WTAP: variants seen among roughly 807,000 people sequenced by gnomAD.
WTAP encodes the protein pre-mRNA-splicing regulator WTAP.
A neutral mutation model predicts 50.0 loss-of-function variants in WTAP; 8 were observed. The ratio of observed to expected loss-of-function variants is 0.16; its 90% confidence interval spans 0.09 to 0.29. The LOEUF is 0.29. Ranked by LOEUF, WTAP falls within the 10% of genes least tolerant of loss-of-function variation. The probability of loss-of-function intolerance (pLI) is 1.00; values close to 1 mark genes in which losing one functional copy is unlikely to be tolerated. For synonymous variants in WTAP, 194 were observed against 169.0 expected (o/e 1.15, Z -1.15); for missense variants, 295 against 470.7 (o/e 0.63, Z 3.45).
chr6:159,735,237 T>G (rs1778833992), intron 1 of WTAP, among the ~76,000 whole-genome samples: 2 of 152,056 alleles, frequency 1.3e-5, no homozygotes, highest in Admixed American at 6.5e-5. Context: ...GCCTCCCAGG[T>G]TCAGGCGATT....
chr6:159,738,034 G>C (rs1779028060), intron 2 of WTAP, among the ~76,000 whole-genome samples: 1 of 152,080 alleles, frequency 6.6e-6, no homozygotes, highest in Non-Finnish European at 1.5e-5. Flanking sequence ...TCTAATAACT[G>C]TGAAAATCAG....
At chr6:159,751,077 T>C (rs1054441737) in intron 6 of WTAP, among the ~76,000 whole-genome samples, 1 of 152,260 alleles carries the variant, frequency 6.6e-6, no homozygotes, top group Non-Finnish European at 1.5e-5. Flanking sequence ...TGTGGGTTAA[T>C]CGATTTTAGG....
intron 5 of WTAP, among the ~76,000 whole-genome samples, chr6:159,746,149 T>C (rs1779562332): frequency 1.3e-5 from 2 of 152,246 alleles, no homozygotes; most frequent in Non-Finnish European, 2.9e-5. Flanking sequence ...TTCGTTAGAT[T>C]TGGCAGTTAA....
At chr6:159,744,995 C>G (rs1779489675) in intron 5 of WTAP, 1 of 152,226 alleles carries the variant, frequency 6.6e-6, no homozygotes, top group African/African-American at 2.4e-5. Context: ...ATCATTTTCT[C>G]TACCTTCTTA....
Position 159,739,001 on chromosome 6 carries a change from T to C in WTAP, c.42T>C (p.Ser14=). 6.2e-7 allele frequency: 1 copy of C among 1,611,904 alleles called. No individual in the cohort carries two copies. The highest frequency in any genetic ancestry group is 1.7e-5 in the Admixed American group (1 of 59,780). The change falls in exon 3 of 8, where the codon AGT becomes AGC. Residue 14 remains serine, a synonymous_variant. Coordinates refer to ENST00000621533, the MANE Select transcript of WTAP (RefSeq NM_001270531.2). ...EEPLPKKVRL[S]ETDFKVMARD... ...AATTCTCTTTATAGGTTCGATTGAG[T>C]GAAACAGACTTCAAAGTTATGGCAA...
intron 6 of WTAP, among the ~76,000 whole-genome samples, chr6:159,752,446 GA>G (rs1779855660): frequency 6.6e-6 from 1 of 151,914 alleles, no homozygotes. Flanking sequence ...ATTTTATTGG[GA>G]AACATTTGAG....
At chr6:159,741,844 C>T (rs1196832778) in intron 3 of WTAP, 1 of 329,154 alleles carries the variant, frequency 3.0e-6, no homozygotes, top group Non-Finnish European at 5.6e-6. Flanking sequence ...AGCCATGTGC[C>T]TTTGGTCCCA....
intron 1 of WTAP, among the ~76,000 whole-genome samples, chr6:159,728,603 A>C (rs530600814): frequency 6.6e-6 from 1 of 152,234 alleles, no homozygotes. Context: ...AATTTTGACC[A>C]TTAAGTTTTC....
intron 3 of WTAP, 63 bp downstream of exon 3, chr6:159,739,108 T>C: frequency 7.7e-7 from 1 of 1,296,412 alleles, no homozygotes; most frequent in East Asian, 2.4e-5. Flanking sequence ...GACTCTACAC[T>C]GTAATTGTCT....
intron 4 of WTAP, among the ~76,000 whole-genome samples, chr6:159,742,387 A>G (rs900286084): frequency 1.3e-5 from 2 of 152,204 alleles, no homozygotes; most frequent in Admixed American, 1.3e-4. Flanking sequence ...ATTATATGCA[A>G]GGTTCTGAAT....
intron 1 of WTAP, among the ~76,000 whole-genome samples, chr6:159,734,651 A>G (rs1288744588): frequency 2.0e-5 from 3 of 152,186 alleles, no homozygotes; most frequent in Non-Finnish European, 4.4e-5. Flanking sequence ...TCTCTTAAGA[A>G]AGAAAGAATA....
upstream of WTAP, chr6:159,727,171 T>G: frequency 6.7e-6 from 8 of 1,202,784 alleles, no homozygotes; most frequent in Non-Finnish European, 8.5e-6. Context: ...CGCGCCAGGC[T>G]CCTGGGAAAG....
Position 159,755,736 on chromosome 6 carries a change from GTTTTTTTTCTTTGTTTTTTTTTTCTTTTC to G in WTAP, c.*134_*162del. 1 of 364,762 alleles carries G rather than the reference GTTTTTTTTCTTTGTTTTTTTTTTCTTTTC, an allele frequency of 2.7e-6. No homozygotes were observed. The highest frequency in any genetic ancestry group is 3.4e-6 in the Non-Finnish European group (1 of 297,258). The allele number at this position is 364,762 out of a possible 1,614,324, so 22.6% of individuals were successfully genotyped here. A position where few individuals can be genotyped will look rare whatever the true frequency, so the allele number is the denominator to read the frequency against. ...GTGTACGTTTTGGTTTTTTTTTGTT[GTTTTTTTTCTTTGTTTTTTTTTTCTTTTC>G]TTTTTTTTTTTTTTTTTTTTTTTTT... On this transcript the variant is annotated 3_prime_UTR_variant, in exon 8 of 8. Transcript: ENST00000621533.
At chr6:159,732,747 C>T (rs1778651324) in intron 1 of WTAP, among the ~76,000 whole-genome samples, 1 of 152,074 alleles carries the variant, frequency 6.6e-6, no homozygotes, top group African/African-American at 2.4e-5. Context: ...TCGCTTGAAT[C>T]CAGGCGGTGG....
At chr6:159,742,169 T>G (rs765879099) in intron 4 of WTAP, 23 bp downstream of exon 4, 1 of 1,569,044 alleles carries the variant, frequency 6.4e-7, no homozygotes, top group Admixed American at 1.9e-5. Context: ...TTTAGCTTCC[T>G]AAAGACTGAA....
rs746564134 is a variant in WTAP at position 159,755,618 on chromosome 6, T to C, written c.*7T>C. 4 of 1,579,620 alleles carry C rather than the reference T, an allele frequency of 2.5e-6. No homozygotes were observed. The highest frequency in any genetic ancestry group is 3.4e-6 in the Non-Finnish European group (4 of 1,163,428). Reference sequence around the variant, plus strand: ...ACAGGGTTCAGTTTTGTAATATTTTTTCAGCAAATTTTTATACAGTGTCAT... The same window carrying C: ...ACAGGGTTCAGTTTTGTAATATTTTCTCAGCAAATTTTTATACAGTGTCAT... On this transcript the variant is annotated 3_prime_UTR_variant, in exon 8 of 8. Coordinates refer to ENST00000621533, the MANE Select transcript of WTAP (RefSeq NM_001270531.2).
intron 1 of WTAP, among the ~76,000 whole-genome samples, chr6:159,728,038 C>T (rs1015281326): frequency 1.4e-4 from 22 of 152,344 alleles, no homozygotes; most frequent in Admixed American, 1.2e-3. Flanking sequence ...GGGTCGCCCC[C>T]TTCACCTCCC....
chr6:159,745,271 T>C (rs1477701680), intron 5 of WTAP: 1 of 152,224 alleles, frequency 6.6e-6, no homozygotes, highest in Non-Finnish European at 1.5e-5. Flanking sequence ...CACATCACAA[T>C]GTTTGTGCTA....
intron 6 of WTAP, chr6:159,749,556 A>C (rs1227277662): frequency 1.9e-6 from 1 of 522,616 alleles, no homozygotes; most frequent in Non-Finnish European, 2.5e-6. Context: ...TGCTCTTCAA[A>C]GTGAAGGAAA....
Sources: gnomAD v4.1 joint callset for allele counts (sites outside exome capture counted in the v4.1 genomes callset) on GRCh38, gnomAD v4.1.1 for gene constraint, MANE v1.5 for transcripts, NCBI Gene and HGNC (gene_info 2026-07-23, HGNC 2026-07-21) for gene names.